KHDC1: variants seen among roughly 807,000 people sequenced by gnomAD.
KHDC1 encodes KH domain containing 1.
Under a neutral mutation model 24.7 loss-of-function variants are expected in KHDC1, and 21 were observed. The ratio of observed to expected loss-of-function variants is 0.85; its 90% CI spans 0.60 to 1.23. KHDC1 has a LOEUF of 1.23. KHDC1 is among the 50% of genes most tolerant of loss of function. KHDC1 has a pLI of 0.00. For synonymous variants in KHDC1, 98 were observed against 111.7 expected (o/e 0.88, Z 0.77); for missense variants, 274 against 298.5 (o/e 0.92, Z 0.61).
At chr6:73,265,923 T>A (rs1336473380) in intron 2 of KHDC1, among the ~76,000 whole-genome samples, 2 of 152,086 alleles carry the variant, frequency 1.3e-5, no homozygotes, top group African/African-American at 4.8e-5. Flanking sequence ...CCCTTTTCTT[T>A]TTCTTTTTTT....
intron 1 of KHDC1, among the ~76,000 whole-genome samples, chr6:73,296,415 T>C (rs767463626): frequency 1.3e-5 from 2 of 152,108 alleles, no homozygotes; most frequent in Non-Finnish European, 2.9e-5. Context: ...ATCATGCCAC[T>C]GCACTGTAGC....
chr6:73,277,499 A>T (rs942344578), intron 2 of KHDC1, among the ~76,000 whole-genome samples: 4 of 152,162 alleles, frequency 2.6e-5, no homozygotes, highest in Non-Finnish European at 5.9e-5. Flanking sequence ...ATGTTTCTTT[A>T]TCATGATTTT....
intron 1 of KHDC1, chr6:73,292,043 G>T (rs1767663159): frequency 6.2e-7 from 1 of 1,613,792 alleles, no homozygotes; most frequent in African/African-American, 1.3e-5. Flanking sequence ...GTTTCTCTCT[G>T]TAAAGGAGAT....
intron 2 of KHDC1, chr6:73,274,975 A>AGAAGGAACTAAC (rs1268125893): frequency 9.8e-5 from 15 of 152,928 alleles, no homozygotes; most frequent in African/African-American, 3.6e-4. Context: ...TGGAGCTTAC[A>AGAAGGAACTAAC]GAAGGAACTA....
intron 2 of KHDC1, among the ~76,000 whole-genome samples, chr6:73,285,338 T>G (rs1767499361): frequency 6.6e-6 from 1 of 151,894 alleles, no homozygotes; most frequent in Admixed American, 6.6e-5. Context: ...ACTCTTCTTT[T>G]TTTTTTTTTT....
chr6:73,292,225 A>G (rs1767666993), intron 1 of KHDC1: 3 of 1,422,006 alleles, frequency 2.1e-6, no homozygotes, highest in Non-Finnish European at 3.0e-6. Flanking sequence ...AGGCAGAAAC[A>G]GAACTAATTG....
At chr6:73,293,364 AAAC>A in intron 1 of KHDC1, 1 of 461,070 alleles carries the variant, frequency 2.2e-6, no homozygotes, top group South Asian at 2.1e-5. Flanking sequence ...TACATTTTGG[AAAC>A]AACATATTGA....
chr6:73,298,280 C>G (rs1237328501), intron 1 of KHDC1, among the ~76,000 whole-genome samples: 3 of 152,008 alleles, frequency 2.0e-5, no homozygotes, highest in Admixed American at 6.6e-5. Context: ...TCCAGGATCA[C>G]ATGGGACAAA....
chr6:73,285,056 G>A (rs1388578256), intron 2 of KHDC1, among the ~76,000 whole-genome samples: 1 of 152,064 alleles, frequency 6.6e-6, no homozygotes, highest in African/African-American at 2.4e-5. Flanking sequence ...TGTTGGCCAG[G>A]CTAGTCTCGA....
chr6:73,278,907 C>T (rs759821095), intron 2 of KHDC1, among the ~76,000 whole-genome samples: 3 of 152,168 alleles, frequency 2.0e-5, no homozygotes, highest in Non-Finnish European at 4.4e-5. Context: ...CATCAAATAA[C>T]GTTTTTCCTG....
intron 2 of KHDC1, among the ~76,000 whole-genome samples, chr6:73,288,997 T>C (rs1348463305): frequency 1.8e-4 from 28 of 152,076 alleles, no homozygotes; most frequent in Admixed American, 1.8e-3. Flanking sequence ...CAAAAGGACA[T>C]AATCCTTTTT....
At chr6:73,289,828 C>T (rs939633369) in intron 2 of KHDC1, among the ~76,000 whole-genome samples, 3 of 150,932 alleles carry the variant, frequency 2.0e-5, no homozygotes, top group East Asian at 2.0e-4. Context: ...CGGCCGGGCG[C>T]GGTGGCTCAC....
exon 4 of KHDC1, chr6:73,242,125 G>A (rs925621462): frequency 1.9e-6 from 3 of 1,614,186 alleles, no homozygotes; most frequent in Non-Finnish European, 1.7e-6. Flanking sequence ...GCCTTGCCCT[G>A]TGTGGTCCGA....
At chr6:73,252,420 T>G (rs1224385121) in intron 2 of KHDC1, among the ~76,000 whole-genome samples, 1 of 152,188 alleles carries the variant, frequency 6.6e-6, no homozygotes, top group Non-Finnish European at 1.5e-5. Flanking sequence ...AAATTAGCTC[T>G]TCTAGTAATT....
intron 2 of KHDC1, among the ~76,000 whole-genome samples, chr6:73,273,521 A>G (rs891350311): frequency 2.6e-5 from 4 of 152,150 alleles, no homozygotes. Context: ...AATAATAGTA[A>G]TAAGCCAGGC....
chr6:73,279,027 A>G (rs1373906279), intron 2 of KHDC1, among the ~76,000 whole-genome samples: 1 of 152,222 alleles, frequency 6.6e-6, no homozygotes, highest in African/African-American at 2.4e-5. Context: ...CTAGGTACAC[A>G]GTTAAACACT....
chr6:73,291,035 G>A (rs780860785), intron 2 of KHDC1: 29 of 396,204 alleles, frequency 7.3e-5, no homozygotes, highest in Admixed American at 1.4e-4. Context: ...AAAAGGAAGA[G>A]TAGGCTGCAG....
intron 2 of KHDC1, among the ~76,000 whole-genome samples, chr6:73,266,519 G>A (rs139733257): frequency 1.0e-3 from 155 of 152,288 alleles, no homozygotes; most frequent in Middle Eastern, 3.4e-3. Context: ...AAGACCATTC[G>A]ATGGAGGAGG....
intron 1 of KHDC1, among the ~76,000 whole-genome samples, chr6:73,304,708 A>G (rs1767930593): frequency 6.6e-6 from 1 of 152,210 alleles, no homozygotes; most frequent in Non-Finnish European, 1.5e-5. Context: ...TGGCAACATA[A>G]TGAGTGGATT....
Sources: allele counts gnomAD v4.1 joint callset (sites outside exome capture counted in the v4.1 genomes callset), GRCh38; gene constraint gnomAD v4.1.1; transcripts MANE v1.5; gene names NCBI Gene and HGNC (gene_info 2026-07-23, HGNC 2026-07-21).